Variants in FARS2 observed in about 807,000 individuals in gnomAD.
FARS2 encodes the protein phenylalanine--tRNA ligase, mitochondrial.
A neutral mutation model predicts 46.4 loss-of-function variants in FARS2; 40 were observed. The ratio of observed to expected loss-of-function variants is 0.86; its 90% CI spans 0.67 to 1.12. The LOEUF (loss-of-function observed/expected upper bound fraction) is 1.12. Ranked by LOEUF, FARS2 falls within the 50% of genes most tolerant of loss-of-function variation. FARS2 has a pLI of 0.00. For missense variants in FARS2, 513 were observed against 567.9 expected, an observed-to-expected ratio of 0.90 and a Z score of 0.98; for synonymous variants, 234 against 214.9, an observed-to-expected ratio of 1.09 and a Z score of -0.78.
chr6:5,414,938 G>A (rs1261245081), intron 3 of FARS2, among the ~76,000 whole-genome samples: 4 of 144,750 alleles, frequency 2.8e-5, no homozygotes, highest in South Asian at 2.3e-4. Context: ...CCTCAGCCCC[G>A]CGAGTAGCTG....
intron 3 of FARS2, among the ~76,000 whole-genome samples, chr6:5,407,331 C>G: frequency 6.6e-6 from 1 of 151,800 alleles, no homozygotes; most frequent in South Asian, 2.1e-4. Context: ...CTACTTATGC[C>G]TGAACTCAAA....
At chr6:5,648,418 TC>T (rs908547323) in intron 6 of FARS2, among the ~76,000 whole-genome samples, 50 of 152,282 alleles carry the variant, frequency 3.3e-4, no homozygotes, top group African/African-American at 1.2e-3. Context: ...CTTGTTTCTC[TC>T]CCTACCTGGG....
intron 1 of FARS2, among the ~76,000 whole-genome samples, chr6:5,337,477 C>T (rs1771242943): frequency 6.6e-6 from 1 of 152,150 alleles, no homozygotes; most frequent in South Asian, 2.1e-4. Flanking sequence ...AGGAATATCT[C>T]CTTTTTAAAT....
intron 1 of FARS2, among the ~76,000 whole-genome samples, chr6:5,327,792 T>C (rs1437734548): frequency 6.6e-6 from 1 of 152,210 alleles, no homozygotes; most frequent in Non-Finnish European, 1.5e-5. Flanking sequence ...GCTTACCCTT[T>C]ATCCTGGAGT....
At chr6:5,621,264 T>C (rs2150696001) in intron 6 of FARS2, among the ~76,000 whole-genome samples, 1 of 152,098 alleles carries the variant, frequency 6.6e-6, no homozygotes, top group Non-Finnish European at 1.5e-5. Flanking sequence ...CTTTTTTTTT[T>C]TTTTTAATAG....
At chr6:5,623,725 A>T (rs1464016611) in intron 6 of FARS2, among the ~76,000 whole-genome samples, 4 of 92,784 alleles carry the variant, frequency 4.3e-5, no homozygotes, top group East Asian at 6.6e-4. Flanking sequence ...AAAAATAAAT[A>T]AATAAAATAA....
intron 2 of FARS2, among the ~76,000 whole-genome samples, chr6:5,376,894 AAAT>A (rs1160449483): frequency 1.3e-5 from 2 of 152,214 alleles, no homozygotes; most frequent in African/African-American, 4.8e-5. Flanking sequence ...AAATATATGG[AAAT>A]AATAAACACA....
At chr6:5,664,223 AATAGG>A (rs1777993403) in intron 6 of FARS2, among the ~76,000 whole-genome samples, 1 of 152,214 alleles carries the variant, frequency 6.6e-6, no homozygotes, top group Non-Finnish European at 1.5e-5. Context: ...TTATGCTGAA[AATAGG>A]AACTCCCCTG....
At chr6:5,718,301 A>G (rs1759657909) in intron 6 of FARS2, among the ~76,000 whole-genome samples, 1 of 152,216 alleles carries the variant, frequency 6.6e-6, no homozygotes, top group Non-Finnish European at 1.5e-5. Flanking sequence ...AAAACTTCCC[A>G]AGGGCAGGCA....
intron 4 of FARS2, among the ~76,000 whole-genome samples, chr6:5,511,526 C>T (rs186966441): frequency 1.2e-4 from 18 of 152,164 alleles, no homozygotes; most frequent in South Asian, 6.2e-4. Context: ...TAATACCCTG[C>T]GCACAAAGTA....
intron 6 of FARS2, among the ~76,000 whole-genome samples, chr6:5,753,606 T>C (rs1248637632): frequency 6.6e-6 from 1 of 152,220 alleles, no homozygotes; most frequent in East Asian, 1.9e-4. Context: ...TGCATAGACA[T>C]TTCATGCCTT....
chr6:5,694,589 G>A (rs1392249943), intron 6 of FARS2, among the ~76,000 whole-genome samples: 3 of 152,014 alleles, frequency 2.0e-5, no homozygotes, highest in East Asian at 3.9e-4. Flanking sequence ...ATAAGAGACC[G>A]AGTGTGAATA....
intron 2 of FARS2, among the ~76,000 whole-genome samples, chr6:5,381,023 C>T (rs560029742): frequency 8.4e-5 from 10 of 119,596 alleles, no homozygotes; most frequent in African/African-American, 1.3e-4. Flanking sequence ...TATTATGAGA[C>T]AGAGTCTCGC....
In FARS2 at chr6:5,562,697, C is replaced by T. The variant is rs867314258; in HGVS notation, c.1065+17357C>T. Among the ~76,000 whole-genome samples the T allele has an allele frequency of 3.2e-5, 4 of 123,406 alleles. No individual in the cohort carries two copies. In the South Asian group the frequency reaches 9.1e-4, roughly 28 times the overall value. The allele number at this position is 123,406 out of a possible 152,430, so 81.0% of individuals were successfully genotyped here. A position where few individuals can be genotyped will look rare whatever the true frequency, so the allele number is the denominator to read the frequency against. Reference sequence around the variant, plus strand: ...AACCTTGACTCCACTGTAATTTATACACACACACACACACACACACACACA... The same window carrying T: ...AACCTTGACTCCACTGTAATTTATATACACACACACACACACACACACACA... On this transcript the variant is annotated intron_variant, in intron 5 of 6. Transcript: ENST00000274680.
At chr6:5,732,849 C>T (rs1419094166) in intron 6 of FARS2, among the ~76,000 whole-genome samples, 1 of 152,024 alleles carries the variant, frequency 6.6e-6, no homozygotes, top group African/African-American at 2.4e-5. Context: ...AAATCCTGTT[C>T]TTCTATTCAC....
chr6:5,645,559 G>A (rs984355806), intron 6 of FARS2, among the ~76,000 whole-genome samples: 12 of 152,178 alleles, frequency 7.9e-5, no homozygotes, highest in Admixed American at 2.0e-4. Flanking sequence ...TCAGGGCCAC[G>A]TAGCCATTTT....
At chr6:5,695,831 A>G (rs1467768182) in intron 6 of FARS2, among the ~76,000 whole-genome samples, 1 of 152,234 alleles carries the variant, frequency 6.6e-6, no homozygotes, top group South Asian at 2.1e-4. Flanking sequence ...TGGATCAGGA[A>G]TGTATAACAA....
intron 3 of FARS2, among the ~76,000 whole-genome samples, chr6:5,406,811 A>G (rs1185100673): frequency 6.6e-6 from 1 of 151,448 alleles, no homozygotes; most frequent in Admixed American, 6.6e-5. Flanking sequence ...AAAAACTGCT[A>G]AGCTATTATC....
intron 1 of FARS2, among the ~76,000 whole-genome samples, chr6:5,299,980 C>CT (rs148996280): frequency 1.3e-5 from 2 of 151,686 alleles, no homozygotes; most frequent in South Asian, 2.1e-4. Flanking sequence ...AAATATTTGC[C>CT]TTTTTTATTT....
Sources: allele counts gnomAD v4.1 joint callset (sites outside exome capture counted in the v4.1 genomes callset), GRCh38; gene constraint gnomAD v4.1.1; transcripts MANE v1.5; gene names NCBI Gene and HGNC (gene_info 2026-07-23, HGNC 2026-07-21).